The following ATP10B variants were observed in gnomAD, a reference collection of about 807,000 sequenced individuals.
ATP10B encodes the protein phospholipid-transporting ATPase VB.
In ATP10B, 122 loss-of-function variants were observed where a neutral mutation model predicts 141.2. The ratio of observed to expected loss-of-function variants is 0.86; its 90% CI spans 0.75 to 1.00. The LOEUF is 1.00. Ranked by LOEUF, ATP10B falls within the 50% of genes least tolerant of loss-of-function variation. The pLI is 0.00. For synonymous variants in ATP10B, 685 were observed against 692.0 expected (o/e 0.99, Z 0.16); for missense variants, 1,876 against 1,825.3 (o/e 1.03, Z -0.51).
At chr5:160,927,614 T>C in the ATP10B span, among the ~76,000 whole-genome samples, 1 of 152,208 alleles carries the variant, frequency 6.6e-6, no homozygotes, top group Non-Finnish European at 1.5e-5. Flanking sequence ...GGTAAACTGG[T>C]GGTCATGATA....
chr5:160,863,624 TTGAAACAAAAAAATACAAGGGATAAA>T, the ATP10B span, among the ~76,000 whole-genome samples: 1 of 151,424 alleles, frequency 6.6e-6, no homozygotes, highest in Non-Finnish European at 1.5e-5. Context: ...CTAAATGAAA[TTGAAACAAAAAAATACAAGGGATAAA>T]TGAAACAAAA....
At chr5:160,621,332 G>T (rs2127649725) in intron 14 of ATP10B, among the ~76,000 whole-genome samples, 1 of 152,248 alleles carries the variant, frequency 6.6e-6, no homozygotes, top group East Asian at 1.9e-4. Flanking sequence ...ACATAAATTG[G>T]CCATGATCAC....
the ATP10B span, among the ~76,000 whole-genome samples, chr5:160,922,812 C>G: frequency 6.6e-6 from 1 of 152,212 alleles, no homozygotes; most frequent in Non-Finnish European, 1.5e-5. Flanking sequence ...GATCCTTGCA[C>G]TCTCGGGCTT....
chr5:160,880,314 A>G, the ATP10B span, among the ~76,000 whole-genome samples: 2 of 150,414 alleles, frequency 1.3e-5, no homozygotes, highest in Non-Finnish European at 3.0e-5. Context: ...AAAATCAAAT[A>G]AATGAAGAGA....
chr5:160,905,338 G>A, the ATP10B span, among the ~76,000 whole-genome samples: 2 of 152,298 alleles, frequency 1.3e-5, no homozygotes, highest in East Asian at 1.9e-4. Flanking sequence ...GATCCAGATG[G>A]GCCTATGTTT....
At chr5:160,873,462 C>T in the ATP10B span, among the ~76,000 whole-genome samples, 2 of 152,236 alleles carry the variant, frequency 1.3e-5, no homozygotes, top group Non-Finnish European at 2.9e-5. Context: ...TATTTGTTCA[C>T]AGATGACATG....
At chr5:160,636,042 C>T (rs1027508063) in intron 11 of ATP10B, 140 bp downstream of exon 11, 2 of 1,022,630 alleles carry the variant, frequency 2.0e-6, no homozygotes, top group South Asian at 2.3e-5. Flanking sequence ...CAAAGACGCA[C>T]AAGAAAGCGA....
chr5:160,591,776 G>A (rs1756309973), intron 22 of ATP10B, among the ~76,000 whole-genome samples: 1 of 152,180 alleles, frequency 6.6e-6, no homozygotes. Flanking sequence ...AATTTGCTAT[G>A]CAGTCAGCAC....
At chr5:160,877,087 A>G in the ATP10B span, among the ~76,000 whole-genome samples, 1 of 152,214 alleles carries the variant, frequency 6.6e-6, no homozygotes, top group African/African-American at 2.4e-5. Flanking sequence ...ACCAAAAAAG[A>G]GAATTTTAGA....
intron 2 of ATP10B, among the ~76,000 whole-genome samples, chr5:160,730,622 A>G (rs1311630467): frequency 6.6e-6 from 1 of 152,112 alleles, no homozygotes; most frequent in African/African-American, 2.4e-5. Context: ...GCATGTGCAC[A>G]CTGCCCACAA....
At chr5:160,828,418 AAAG>A (rs1373955409) in intron 1 of ATP10B, among the ~76,000 whole-genome samples, 1 of 152,194 alleles carries the variant, frequency 6.6e-6, no homozygotes, top group South Asian at 2.1e-4. Context: ...ACACCTCTCA[AAAG>A]AAGACATTGA....
At chr5:160,609,381 ATTTTT>A (rs11341335) in intron 18 of ATP10B, among the ~76,000 whole-genome samples, 1 of 143,158 alleles carries the variant, frequency 7.0e-6, no homozygotes, top group African/African-American at 2.6e-5. Flanking sequence ...GCCATAACTT[ATTTTT>A]TTTTTTTTTT....
the ATP10B span, among the ~76,000 whole-genome samples, chr5:160,917,367 A>G: frequency 1.3e-5 from 2 of 150,498 alleles, no homozygotes; most frequent in South Asian, 2.1e-4. Context: ...ACACAGTTAC[A>G]TATCTTCCAA....
intron 22 of ATP10B, among the ~76,000 whole-genome samples, chr5:160,593,112 C>T (rs973460905): frequency 6.6e-6 from 1 of 152,260 alleles, no homozygotes; most frequent in Non-Finnish European, 1.5e-5. Flanking sequence ...AGACTGCCTC[C>T]TCAAGTGGGT....
chr5:160,833,432 G>A (rs1436084378), intron 1 of ATP10B, among the ~76,000 whole-genome samples: 1 of 152,108 alleles, frequency 6.6e-6, no homozygotes, highest in Non-Finnish European at 1.5e-5. Flanking sequence ...TGATTAGATT[G>A]ACTCAACTCT....
chr5:160,721,623 G>C (rs1466784769), intron 2 of ATP10B, among the ~76,000 whole-genome samples: 1 of 152,198 alleles, frequency 6.6e-6, no homozygotes, highest in Non-Finnish European at 1.5e-5. Flanking sequence ...TACTGTGCTG[G>C]TCAGCTAAGA....
the ATP10B span, among the ~76,000 whole-genome samples, chr5:160,916,011 C>G: frequency 6.6e-6 from 1 of 152,206 alleles, no homozygotes; most frequent in Non-Finnish European, 1.5e-5. Flanking sequence ...TAGAACAGCC[C>G]TCCTGTAACC....
At chr5:160,607,528 G>T (rs1757462396) in intron 18 of ATP10B, among the ~76,000 whole-genome samples, 1 of 152,184 alleles carries the variant, frequency 6.6e-6, no homozygotes, top group Admixed American at 6.5e-5. Flanking sequence ...AGACTGAAAT[G>T]AGATCTTTAA....
chr5:160,598,820 C>T lies in ATP10B; in HGVS notation c.3514G>A (p.Glu1172Lys), dbSNP rs1484278452. Reference sequence around the variant, plus strand: ...AGCTCAGGCAATGCCAGGAGTGTTTCTGCAGAGATGTCTTTGTCAAGGACT... The same window carrying T: ...AGCTCAGGCAATGCCAGGAGTGTTTTTGCAGAGATGTCTTTGTCAAGGACT... The part of the protein sequence containing the change: ...FGVLDKDISA[E>K]TLLALPELYK... Residue 1172 changes from glutamate to lysine, a missense_variant, in exon 22 of 26, where the codon GAA becomes AAA. Glu to Lys is a moderately conservative substitution (Grantham distance 56). Transcript: ENST00000327245. 1.2e-6 allele frequency: 2 copies of T among 1,614,038 alleles called. No homozygotes were observed. Among genetic ancestry groups the T allele is most frequent in the Non-Finnish European group, 1.7e-6 (2 of 1,180,012 alleles).
Sources: allele counts gnomAD v4.1 joint callset (sites outside exome capture counted in the v4.1 genomes callset), GRCh38; gene constraint gnomAD v4.1.1; transcripts MANE v1.5; gene names NCBI Gene and HGNC (gene_info 2026-07-23, HGNC 2026-07-21).